ADAM2: variants seen among roughly 807,000 people sequenced by gnomAD.
ADAM2 encodes the protein disintegrin and metalloproteinase domain-containing protein 2.
Under a neutral mutation model 99.3 loss-of-function variants are expected in ADAM2, and 101 were observed. The ratio of observed to expected loss-of-function variants is 1.02; its 90% CI spans 0.87 to 1.20. ADAM2 has a LOEUF of 1.20. ADAM2 is among the 50% of genes most tolerant of loss of function. The pLI is 0.00. For missense variants in ADAM2, 948 were observed against 878.7 expected (o/e 1.08, Z -1.00); for synonymous variants, 323 against 287.6 (o/e 1.12, Z -1.25).
At chr8:39,821,913 A>G (rs1805203892) in intron 4 of ADAM2, among the ~76,000 whole-genome samples, 1 of 152,196 alleles carries the variant, frequency 6.6e-6, no homozygotes, top group African/African-American at 2.4e-5. Context: ...GTTGTTAAGA[A>G]TGAGGTAAAC....
At chr8:39,783,849 G>A (rs1359663221) in intron 10 of ADAM2, among the ~76,000 whole-genome samples, 1 of 152,020 alleles carries the variant, frequency 6.6e-6, no homozygotes, top group Non-Finnish European at 1.5e-5. Context: ...CTACTCAGGA[G>A]GCTGAGGCAG....
chr8:39,811,062 G>A (rs1013834304), intron 6 of ADAM2, among the ~76,000 whole-genome samples: 12 of 152,016 alleles, frequency 7.9e-5, no homozygotes, highest in Non-Finnish European at 1.5e-4. Flanking sequence ...AAGAAGAAAA[G>A]AGAGAAGAAT....
chr8:39,769,599 T>C (rs1174696578), intron 11 of ADAM2, 24 bp from the exon 12 acceptor site: 9 of 1,567,952 alleles, frequency 5.7e-6, no homozygotes, highest in Non-Finnish European at 7.9e-6. Flanking sequence ...AAACGTCAAA[T>C]TTTAATGTAA....
intron 10 of ADAM2, among the ~76,000 whole-genome samples, chr8:39,779,560 C>A (rs1803136709): frequency 6.6e-6 from 1 of 152,066 alleles, no homozygotes; most frequent in Non-Finnish European, 1.5e-5. Flanking sequence ...ATTATTATCT[C>A]TGATTTGAAA....
intron 11 of ADAM2, among the ~76,000 whole-genome samples, chr8:39,772,860 C>T (rs755853455): frequency 5.3e-5 from 8 of 151,704 alleles, no homozygotes; most frequent in African/African-American, 9.7e-5. Context: ...AAGTACGATT[C>T]GCTAGGAAGA....
At chr8:39,770,112 AT>A (rs1802723468) in intron 11 of ADAM2, among the ~76,000 whole-genome samples, 1 of 151,396 alleles carries the variant, frequency 6.6e-6, no homozygotes, top group African/African-American at 2.4e-5. Flanking sequence ...CGACCTACTA[AT>A]TTTTGTATTT....
intron 11 of ADAM2, 112 bp downstream of exon 11, chr8:39,776,913 C>T: frequency 6.0e-6 from 4 of 664,216 alleles, no homozygotes; most frequent in East Asian, 2.8e-5. Context: ...GTCCTGGAGT[C>T]CTCAGTCACA....
chr8:39,750,185 A>G (rs1055487958), intron 16 of ADAM2, among the ~76,000 whole-genome samples: 5 of 152,142 alleles, frequency 3.3e-5, no homozygotes, highest in African/African-American at 1.2e-4. Context: ...ATTATAAAAA[A>G]AGAAGTAATA....
intron 10 of ADAM2, among the ~76,000 whole-genome samples, chr8:39,786,586 C>T (rs1803475625): frequency 6.6e-6 from 1 of 152,050 alleles, no homozygotes; most frequent in Non-Finnish European, 1.5e-5. Flanking sequence ...TTTAAGGCGA[C>T]TGATACTTTC....
At chr8:39,805,694 C>A (rs1414143803) in intron 7 of ADAM2, among the ~76,000 whole-genome samples, 1 of 152,194 alleles carries the variant, frequency 6.6e-6, no homozygotes, top group Non-Finnish European at 1.5e-5. Context: ...AGCCAGGAAT[C>A]TAATAGCTTC....
chr8:39,771,865 C>T (rs1019461634), intron 11 of ADAM2, among the ~76,000 whole-genome samples: 6 of 151,922 alleles, frequency 3.9e-5, no homozygotes, highest in Non-Finnish European at 7.4e-5. Context: ...ATGCAAGATA[C>T]ATTTACCATG....
At chr8:39,818,071 A>G (rs1221685946) in intron 6 of ADAM2, 1 of 152,134 alleles carries the variant, frequency 6.6e-6, no homozygotes, top group East Asian at 1.9e-4. Context: ...TTCCCAACTC[A>G]TTTCGTGAAG....
chr8:39,759,960 A>C (rs1029578279), intron 15 of ADAM2, among the ~76,000 whole-genome samples: 1 of 152,020 alleles, frequency 6.6e-6, no homozygotes, highest in Non-Finnish European at 1.5e-5. Flanking sequence ...TCTGCCTCCC[A>C]GGTTCAAGCG....
intron 4 of ADAM2, among the ~76,000 whole-genome samples, chr8:39,821,929 C>T (rs1436099807): frequency 2.0e-5 from 3 of 152,100 alleles, no homozygotes; most frequent in Non-Finnish European, 1.5e-5. Flanking sequence ...TAAACATCAT[C>T]AAAACTTATA....
intron 16 of ADAM2, among the ~76,000 whole-genome samples, chr8:39,751,265 A>G (rs577080586): frequency 6.6e-6 from 1 of 152,302 alleles, no homozygotes; most frequent in Admixed American, 6.5e-5. Context: ...AAATCTATCT[A>G]TTCTGTTAGC....
At chr8:39,814,810 G>A (rs1005684340) in intron 6 of ADAM2, among the ~76,000 whole-genome samples, 2 of 150,942 alleles carry the variant, frequency 1.3e-5, no homozygotes, top group South Asian at 2.1e-4. Flanking sequence ...GGTTACAGTA[G>A]GTAAAGCCAT....
At chr8:39,800,497 T>C (rs58431931) in intron 7 of ADAM2, among the ~76,000 whole-genome samples, 26,810 of 151,994 alleles carry the variant, frequency 0.18, 2,664 homozygotes, top group East Asian at 0.28. Flanking sequence ...CTGATGACTA[T>C]GTGTCTTGGA....
At chr8:39,817,983 A>G (rs1805023501) in intron 6 of ADAM2, 1 of 152,004 alleles carries the variant, frequency 6.6e-6, no homozygotes, top group Non-Finnish European at 1.5e-5. Flanking sequence ...AAAATGTCCA[A>G]TCCCAGATGG....
At chr8:39,810,656 A>C in intron 6 of ADAM2, among the ~76,000 whole-genome samples, 1 of 152,218 alleles carries the variant, frequency 6.6e-6, no homozygotes, top group Non-Finnish European at 1.5e-5. Flanking sequence ...AACTACATGG[A>C]AACTGAACAA....
Sources: gnomAD v4.1 joint callset for allele counts (sites outside exome capture counted in the v4.1 genomes callset) on GRCh38, gnomAD v4.1.1 for gene constraint, MANE v1.5 for transcripts, NCBI Gene and HGNC (gene_info 2026-07-23, HGNC 2026-07-21) for gene names.